STK3: variants seen among roughly 807,000 people sequenced by gnomAD.
STK3 encodes the protein serine/threonine kinase 3.
A neutral mutation model predicts 58.0 loss-of-function variants in STK3; 41 were observed. The observed-to-expected ratio is 0.71, with a 90% CI of 0.55 to 0.92. STK3 has a LOEUF of 0.92. Among genes scored for constraint, STK3 ranks in the 40% least tolerant of loss-of-function variants. The pLI is 0.00. For synonymous variants in STK3, 170 were observed against 191.0 expected (o/e 0.89, Z 0.91); for missense variants, 479 against 602.7 (o/e 0.79, Z 2.15).
intron 6 of STK3, chr8:98,606,114 G>C (rs1412407612): frequency 6.6e-6 from 1 of 152,266 alleles, no homozygotes; most frequent in Non-Finnish European, 1.5e-5. Flanking sequence ...TGTAATCCCA[G>C]CTACTTGGGA....
chr8:98,536,226 G>T (rs1809755597), intron 9 of STK3, among the ~76,000 whole-genome samples: 2 of 152,032 alleles, frequency 1.3e-5, no homozygotes, highest in South Asian at 4.1e-4. Flanking sequence ...CCTGACTAGG[G>T]GTGAGAAAGT....
rs1819440186 is a variant in STK3, at chr8:98,455,709, T to C, written c.*133A>G. On this transcript the variant is annotated 3_prime_UTR_variant, in exon 11 of 11. Coordinates refer to ENST00000419617, the MANE Select transcript of STK3 (RefSeq NM_006281.4). ...TGCCTTTTGGGAATTTACCTGGGCA[T>C]GTACCATTGTCACTTTTTGACCTCT... 2 of 1,040,644 alleles carry C rather than the reference T, an allele frequency of 1.9e-6. No homozygotes were observed. Among genetic ancestry groups the C allele is most frequent in the African/African-American group, 1.6e-5 (1 of 61,958 alleles). 64.5% of individuals were successfully genotyped at this position (1,040,644 alleles called of 1,614,324 possible). A position where few individuals can be genotyped will look rare whatever the true frequency, so the allele number is the denominator to read the frequency against.
At chr8:98,535,801 T>C (rs3802198) in intron 9 of STK3, among the ~76,000 whole-genome samples, 61,704 of 151,998 alleles carry the variant, frequency 0.41, 12,826 homozygotes, top group East Asian at 0.53. Context: ...AGAAGTTGCT[T>C]TTTTCACTAC....
intron 6 of STK3, among the ~76,000 whole-genome samples, chr8:98,650,056 C>T (rs1820756989): frequency 6.6e-6 from 1 of 152,096 alleles, no homozygotes; most frequent in Admixed American, 6.5e-5. Flanking sequence ...AGAAAGGCTA[C>T]CAATTTCTGT....
chr8:98,648,748 C>T (rs752686223), intron 6 of STK3, among the ~76,000 whole-genome samples: 5 of 151,966 alleles, frequency 3.3e-5, no homozygotes, highest in South Asian at 4.2e-4. Flanking sequence ...AAAAATAAGC[C>T]GGCTGTGGTG....
intron 6 of STK3, among the ~76,000 whole-genome samples, chr8:98,680,710 T>C (rs1587275420): frequency 6.6e-6 from 1 of 152,174 alleles, no homozygotes; most frequent in East Asian, 1.9e-4. Flanking sequence ...AGACAGTTTC[T>C]AAAAGTATAA....
intron 1 of STK3, among the ~76,000 whole-genome samples, 164 bp downstream of exon 1, chr8:98,825,351 T>C (rs1835184277): frequency 6.6e-6 from 1 of 151,860 alleles, no homozygotes; most frequent in Admixed American, 6.5e-5. Flanking sequence ...CCCTCGCCCG[T>C]GGACAGACGC....
intron 1 of STK3, among the ~76,000 whole-genome samples, chr8:98,899,962 G>GA (rs1233396184): frequency 6.6e-6 from 1 of 152,120 alleles, no homozygotes; most frequent in Non-Finnish European, 1.5e-5. Flanking sequence ...AACATGCCTG[G>GA]AACATAGTGA....
At chr8:98,850,331 C>T (rs1402955531) in intron 3 of STK3, among the ~76,000 whole-genome samples, 1 of 152,182 alleles carries the variant, frequency 6.6e-6, no homozygotes, top group Non-Finnish European at 1.5e-5. Flanking sequence ...CATGCCACTA[C>T]ACTTGTATTT....
chr8:98,857,295 A>T (rs533579805), intron 3 of STK3, among the ~76,000 whole-genome samples: 4 of 152,348 alleles, frequency 2.6e-5, no homozygotes, highest in Admixed American at 2.6e-4. Flanking sequence ...GACTTTTCAG[A>T]ACATTAAAAA....
the STK3 span, among the ~76,000 whole-genome samples, chr8:98,344,892 C>CAAAAAAAAAAA: frequency 4.2e-5 from 2 of 47,406 alleles, no homozygotes; most frequent in Non-Finnish European, 3.8e-5. Flanking sequence ...GACTCCGTCT[C>CAAAAAAAAAAA]AAAAAAAAAA....
chr8:98,443,859 T>G (rs562009555), intron 1 of STK3, among the ~76,000 whole-genome samples: 1 of 152,326 alleles, frequency 6.6e-6, no homozygotes, highest in East Asian at 1.9e-4. Flanking sequence ...AATTCCACAA[T>G]AGTTGAAGAC....
chr8:98,565,894 C>T (rs1417036187), intron 8 of STK3, among the ~76,000 whole-genome samples: 1 of 152,110 alleles, frequency 6.6e-6, no homozygotes, highest in African/African-American at 2.4e-5. Context: ...CTATGTAATA[C>T]AGTTGACCCA....
intron 10 of STK3, among the ~76,000 whole-genome samples, chr8:98,495,061 A>G (rs532789623): frequency 7.2e-5 from 11 of 152,222 alleles, no homozygotes; most frequent in Non-Finnish European, 1.3e-4. Context: ...TTTCCAGAAG[A>G]AAAAATCCAT....
At chr8:98,779,033 T>TAATAAAATAAAATAA (rs372304706) in intron 1 of STK3, 1 of 151,258 alleles carries the variant, frequency 6.6e-6, no homozygotes, top group Non-Finnish European at 1.5e-5. Context: ...AGTATAATAA[T>TAATAAAATAAAATAA]AATAAAATAA....
chr8:98,508,489 G>A (rs998198938), intron 10 of STK3, among the ~76,000 whole-genome samples: 3 of 151,980 alleles, frequency 2.0e-5, no homozygotes, highest in Non-Finnish European at 4.4e-5. Flanking sequence ...GGAGGAAATG[G>A]GAAGTGACTA....
At chr8:98,704,035 T>A (rs1825798099) in intron 6 of STK3, among the ~76,000 whole-genome samples, 1 of 152,106 alleles carries the variant, frequency 6.6e-6, no homozygotes, top group South Asian at 2.1e-4. Context: ...TCCCCACATA[T>A]CAAAGAACAA....
intron 10 of STK3, among the ~76,000 whole-genome samples, chr8:98,518,703 C>G (rs945611143): frequency 6.6e-6 from 1 of 152,116 alleles, no homozygotes; most frequent in Non-Finnish European, 1.5e-5. Flanking sequence ...CACAACTGTG[C>G]ACACGCCACA....
At chr8:98,439,572 A>G (rs61061601) in intron 1 of STK3, among the ~76,000 whole-genome samples, 1,766 of 152,302 alleles carry the variant, frequency 0.012, 42 homozygotes, top group African/African-American at 0.041. Flanking sequence ...AGGAATCACT[A>G]TATAGGCCCC....
Sources: gnomAD v4.1 joint callset for allele counts (sites outside exome capture counted in the v4.1 genomes callset) on GRCh38, gnomAD v4.1.1 for gene constraint, MANE v1.5 for transcripts, NCBI Gene and HGNC (gene_info 2026-07-23, HGNC 2026-07-21) for gene names.